CD58: variants seen among roughly 807,000 people sequenced by gnomAD.
The protein encoded by CD58 is lymphocyte function-associated antigen 3.
Under a neutral mutation model 27.6 loss-of-function variants are expected in CD58, and 14 were observed. The observed-to-expected ratio is 0.51, with a 90% CI of 0.34 to 0.79. CD58 has a LOEUF of 0.79. CD58 is among the 30% of genes least tolerant of loss of function. The pLI is 0.02. For missense variants in CD58, 268 were observed against 301.7 expected (o/e 0.89, Z 0.83); for synonymous variants, 117 against 103.8 (o/e 1.13, Z -0.77).
intron 1 of CD58, among the ~76,000 whole-genome samples, chr1:116,548,387 A>G (rs1658266658): frequency 6.6e-6 from 1 of 152,104 alleles, no homozygotes; most frequent in African/African-American, 2.4e-5. Flanking sequence ...CAAAGTCTAG[A>G]AGAGTTTTTC....
intron 2 of CD58, among the ~76,000 whole-genome samples, chr1:116,542,049 C>G (rs1658004136): frequency 6.6e-6 from 1 of 152,218 alleles, no homozygotes; most frequent in Non-Finnish European, 1.5e-5. Context: ...GAGGCCAAGG[C>G]AGGTGGATCA....
In CD58 at chr1:116,544,406, A is replaced by AG. The variant is rs1335035069; in HGVS notation, c.268dup (p.Leu90ProfsTer11). 4.3e-6 allele frequency: 7 copies of AG among 1,612,796 alleles called. No individual in the cohort carries two copies. Among genetic ancestry groups the AG allele is most frequent in the Non-Finnish European group, 5.9e-6 (7 of 1,178,922 alleles). On this transcript the variant is annotated frameshift_variant, in exon 2 of 6. Coordinates refer to ENST00000369489, the MANE Select transcript of CD58 (RefSeq NM_001779.3). LOFTEE classifies it high-confidence loss of function. Reference sequence around the variant, plus strand: ...TGATGATGTTAAGTTGTAGATAGTGAGGCTACCTGACACAGTGTCTAAATA... The same window carrying AG: ...TGATGATGTTAAGTTGTAGATAGTGAGGGCTACCTGACACAGTGTCTAAATA...
intron 2 of CD58, among the ~76,000 whole-genome samples, chr1:116,539,174 G>C (rs1418554608): frequency 1.3e-5 from 2 of 152,210 alleles, no homozygotes; most frequent in Non-Finnish European, 2.9e-5. Context: ...CTTAACAAAT[G>C]CTAGCTGTAA....
Position 116,570,578 on chromosome 1 carries a change from G to T in CD58, c.70+325C>A, listed in dbSNP as rs1411414273. ...TGAAGCGCTCAGCGACGTTACTGGGGAAGCCCAGGAAGGAACTTGGTCACT... is the reference window on the plus strand; with the variant it reads ...TGAAGCGCTCAGCGACGTTACTGGGTAAGCCCAGGAAGGAACTTGGTCACT... On this transcript the variant is annotated intron_variant, in intron 1 of 5. Transcript: ENST00000369489. The surrounding 1 kb of genome is among the most constrained non-coding windows in gnomAD (Gnocchi z 6.4). Among the ~76,000 whole-genome samples the T allele has an allele frequency of 6.6e-6, 1 of 152,104 alleles. No homozygotes were observed. Among genetic ancestry groups the T allele is most frequent in the Admixed American group, 6.5e-5 (1 of 15,286 alleles).
chr1:116,564,747 T>G (rs1028389455), intron 1 of CD58, among the ~76,000 whole-genome samples: 1 of 152,150 alleles, frequency 6.6e-6, no homozygotes. Context: ...CCTTGACATA[T>G]GGGGATTATT....
Position 116,523,599 on chromosome 1 carries a change from T to C in CD58, c.629-1616A>G, listed in dbSNP as rs1657337026. On this transcript the variant is annotated intron_variant, in intron 3 of 5. Transcript: ENST00000369489. This position sits in a 1 kb window ranked among gnomAD's most constrained non-coding sequence, Gnocchi z 4.4. ...AAATTCAGATATTCCTTGGCAATAA[T>C]ACTCCCCAAGTAGTGTTTGTATACT... 6.6e-6 allele frequency among the ~76,000 whole-genome samples: 1 copy of C among 152,190 alleles called. No homozygotes were observed. Among genetic ancestry groups the C allele is most frequent in the Admixed American group, 6.5e-5 (1 of 15,276 alleles).
rs1250193346 is a variant in CD58 at position 116,570,160 on chromosome 1, A to G, written c.70+743T>C. On this transcript the variant is annotated intron_variant, in intron 1 of 5. Transcript: ENST00000369489. This position sits in a 1 kb window ranked among gnomAD's most constrained non-coding sequence, Gnocchi z 6.4. Reference sequence around the variant, plus strand: ...TTTTGCTATGGCCTGACTGGGGCCAATGTGTGGAGGGTGAAGGAGGATGGG... The same window carrying G: ...TTTTGCTATGGCCTGACTGGGGCCAGTGTGTGGAGGGTGAAGGAGGATGGG... Among the ~76,000 whole-genome samples the G allele has an allele frequency of 1.3e-5, 2 of 152,130 alleles. 1 individual carries two copies. Among genetic ancestry groups the G allele is most frequent in the South Asian group, 4.1e-4 (2 of 4,826 alleles).
At chr1:116,547,163 C>T (rs1658208605) in intron 1 of CD58, among the ~76,000 whole-genome samples, 1 of 151,418 alleles carries the variant, frequency 6.6e-6, no homozygotes, top group Non-Finnish European at 1.5e-5. Context: ...CCCATCCCAC[C>T]CTTCTCCACA....
At chr1:116,562,246 C>T (rs1658780638) in intron 1 of CD58, among the ~76,000 whole-genome samples, 1 of 152,046 alleles carries the variant, frequency 6.6e-6, no homozygotes, top group Non-Finnish European at 1.5e-5. Context: ...TCTAGTTATG[C>T]AGATAGTTGG....
chr1:116,536,305 C>T lies in CD58; in HGVS notation c.365-77G>A, dbSNP rs951660836. The T allele has an allele frequency of 4.0e-5, 43 of 1,062,882 alleles. No homozygotes were observed. Among genetic ancestry groups the T allele is most frequent in the Middle Eastern group, 2.8e-4 (1 of 3,576 alleles). 65.8% of individuals were successfully genotyped at this position (1,062,882 alleles called of 1,614,324 possible). ...ATCATCTGCAAATTTATGAAGAGCTCGCAACCTCCTTACAAGCTTGAAAGG... is the reference window on the plus strand; with the variant it reads ...ATCATCTGCAAATTTATGAAGAGCTTGCAACCTCCTTACAAGCTTGAAAGG... On this transcript the variant is annotated intron_variant, in intron 2 of 5. Coordinates refer to ENST00000369489, the MANE Select transcript of CD58 (RefSeq NM_001779.3). This position sits in a 1 kb window ranked among gnomAD's most constrained non-coding sequence, Gnocchi z 5.4.
At chr1:116,547,769 A>G (rs906280083) in intron 1 of CD58, among the ~76,000 whole-genome samples, 8 of 152,104 alleles carry the variant, frequency 5.3e-5, no homozygotes, top group Non-Finnish European at 5.9e-5. Flanking sequence ...TGTTGTGTGC[A>G]ACATGTTGTG....
Position 116,519,087 on chromosome 1 carries a change from T to C in CD58, c.743+144A>G, listed in dbSNP as rs563436606. 4 of 1,467,452 alleles carry C rather than the reference T, an allele frequency of 2.7e-6. No homozygotes were observed. Among genetic ancestry groups the C allele is most frequent in the African/African-American group, 2.8e-5 (2 of 71,198 alleles). 90.9% of individuals were successfully genotyped at this position (1,467,452 alleles called of 1,614,324 possible). On this transcript the variant is annotated intron_variant, in intron 5 of 5. Coordinates refer to ENST00000369489, the MANE Select transcript of CD58 (RefSeq NM_001779.3). This position sits in a 1 kb window ranked among gnomAD's most constrained non-coding sequence, Gnocchi z 4.7. Reference sequence around the variant, plus strand: ...CACACAGTTGGTACTTAATACACTATGGTTAGTATATCTGCTGATGTTACT... The same window carrying C: ...CACACAGTTGGTACTTAATACACTACGGTTAGTATATCTGCTGATGTTACT...
At chr1:116,545,134 G>A (rs1658121452) in intron 1 of CD58, among the ~76,000 whole-genome samples, 1 of 152,190 alleles carries the variant, frequency 6.6e-6, no homozygotes, top group Non-Finnish European at 1.5e-5. Flanking sequence ...TGTGCTTGAG[G>A]ATACACACGT....
At chr1:116,551,641 C>T (rs1445348008) in intron 1 of CD58, among the ~76,000 whole-genome samples, 1 of 151,504 alleles carries the variant, frequency 6.6e-6, no homozygotes, top group Non-Finnish European at 1.5e-5. Context: ...TTTTAATTTC[C>T]TTCAAGAACT....
chr1:116,556,255 GAAAAAAAAAAAA>G (rs1158092746), intron 1 of CD58, among the ~76,000 whole-genome samples: 3 of 29,832 alleles, frequency 1.0e-4, no homozygotes, highest in Middle Eastern at 0.015. Context: ...CTCCATCTCA[GAAAAAAAAAAAA>G]AAAAAAAAAA....
At chr1:116,568,121 A>G (rs113957540) in intron 1 of CD58, among the ~76,000 whole-genome samples, 190 of 152,122 alleles carry the variant, frequency 1.2e-3, no homozygotes, top group African/African-American at 4.3e-3. Context: ...TGATTATCAA[A>G]TGAAGTATGT....
rs1302855158 is a variant in CD58 at position 116,516,667 on chromosome 1, T to G, written c.744-1845A>C. 1.3e-5 allele frequency among the ~76,000 whole-genome samples: 2 copies of G among 152,202 alleles called. No individual in the cohort carries two copies. The highest frequency in any genetic ancestry group is 4.8e-5 in the African/African-American group (2 of 41,440). The stretch of plus-strand genomic sequence containing the variant: ...TGGAATGCCTTTTCTACTCCACTCT[T>G]GTTCTGAAAATGTAGGTCACATCCT... On this transcript the variant is annotated intron_variant, in intron 5 of 5. Coordinates refer to ENST00000369489, the MANE Select transcript of CD58 (RefSeq NM_001779.3). The surrounding 1 kb of genome is among the most constrained non-coding windows in gnomAD (Gnocchi z 6.1).
chr1:116,551,970 C>T (rs1366837400), intron 1 of CD58, among the ~76,000 whole-genome samples: 1 of 152,130 alleles, frequency 6.6e-6, no homozygotes, highest in Non-Finnish European at 1.5e-5. Context: ...AAACTTCTGA[C>T]CTCAGGTGAT....
At position 116,563,331 on chromosome 1, in the gene CD58, G is replaced by T. The variant is rs1373934471; in HGVS notation, c.70+7572C>A. ...CATGAGCTGGCATTAAGTGTCTGTG[G>T]CTTTTCCAGGTACACGGTGCAAGCT... On this transcript the variant is annotated intron_variant, in intron 1 of 5. Coordinates refer to ENST00000369489, the MANE Select transcript of CD58 (RefSeq NM_001779.3). This position sits in a 1 kb window ranked among gnomAD's most constrained non-coding sequence, Gnocchi z 4.1. 6.6e-6 allele frequency among the ~76,000 whole-genome samples: 1 copy of T among 151,680 alleles called. No individual in the cohort carries two copies. Among genetic ancestry groups the T allele is most frequent in the Non-Finnish European group, 1.5e-5 (1 of 67,966 alleles).
Sources: gnomAD v4.1 joint callset for allele counts (sites outside exome capture counted in the v4.1 genomes callset) on GRCh38, gnomAD v4.1.1 for gene constraint, Gnocchi (gnomAD v3.1) non-coding constraint, MANE v1.5 for transcripts, NCBI Gene and HGNC (gene_info 2026-07-23, HGNC 2026-07-21) for gene names.